Variants in SPATA31H1 observed in about 807,000 individuals in gnomAD.
SPATA31H1 encodes the protein spermatogenesis-associated protein 31H1.
At chr2:27,578,101 T>G in the SPATA31H1 span, 1 of 1,614,158 alleles carries the variant, frequency 6.2e-7, no homozygotes, top group Non-Finnish European at 8.5e-7. Flanking sequence ...CCAAAAGTTG[T>G]TCAATCTGTG....
At chr2:27,567,726 G>C in the SPATA31H1 span, 1 of 399,444 alleles carries the variant, frequency 2.5e-6, no homozygotes, top group Non-Finnish European at 4.4e-6. Context: ...GCTTAGTATA[G>C]AGGAGAGGGT....
chr2:27,578,694 G>T, the SPATA31H1 span: 1 of 1,614,114 alleles, frequency 6.2e-7, no homozygotes, highest in Non-Finnish European at 8.5e-7. Context: ...TCTAGGACAC[G>T]TGTGTCAGAA....
At chr2:27,562,352 CAAAAAATAAA>C in the SPATA31H1 span, among the ~76,000 whole-genome samples, 1 of 150,780 alleles carries the variant, frequency 6.6e-6, no homozygotes, top group Non-Finnish European at 1.5e-5. Flanking sequence ...CTCGTCTCTA[CAAAAAATAAA>C]AAAAAATTAG....
At chr2:27,568,881 C>T in the SPATA31H1 span, 1 of 398,894 alleles carries the variant, frequency 2.5e-6, no homozygotes, top group Non-Finnish European at 4.4e-6. Context: ...GAGCCCCAAA[C>T]AAAATCATGA....
the SPATA31H1 span, among the ~76,000 whole-genome samples, chr2:27,551,941 G>A: frequency 1.3e-5 from 2 of 151,746 alleles, no homozygotes; most frequent in Admixed American, 6.6e-5. Context: ...TCAGCCTCCC[G>A]AGTAGCTGGG....
chr2:27,581,598 A>G, the SPATA31H1 span: 1 of 1,490,142 alleles, frequency 6.7e-7, no homozygotes, highest in Admixed American at 2.0e-5. Context: ...TCCCTCCCAG[A>G]GGAGCCATCG....
the SPATA31H1 span, chr2:27,566,738 A>C: frequency 3.0e-6 from 2 of 673,702 alleles, no homozygotes; most frequent in Non-Finnish European, 5.5e-6. Context: ...TTCTTAGATC[A>C]AGGCTTGTGG....
At chr2:27,578,301 T>C in the SPATA31H1 span, 1 of 1,614,128 alleles carries the variant, frequency 6.2e-7, no homozygotes, top group South Asian at 1.1e-5. Context: ...ACACCAGATT[T>C]TGGAAACAGT....
chr2:27,553,933 A>C, the SPATA31H1 span, among the ~76,000 whole-genome samples: 1 of 149,342 alleles, frequency 6.7e-6, no homozygotes, highest in Non-Finnish European at 1.5e-5. Flanking sequence ...AAAAAAAAAG[A>C]AAAGAAATCT....
chr2:27,563,269 C>A, the SPATA31H1 span, among the ~76,000 whole-genome samples: 1 of 147,424 alleles, frequency 6.8e-6, no homozygotes, highest in Non-Finnish European at 1.5e-5. Flanking sequence ...TGGTCTATTT[C>A]TTTTTGGCCA....
the SPATA31H1 span, among the ~76,000 whole-genome samples, chr2:27,543,224 C>T: frequency 1.3e-5 from 2 of 152,024 alleles, no homozygotes; most frequent in African/African-American, 2.4e-5. Flanking sequence ...CCTTTTTTGA[C>T]TCTCAAACTT....
At chr2:27,549,153 G>A in the SPATA31H1 span, among the ~76,000 whole-genome samples, 15 of 150,522 alleles carry the variant, frequency 1.0e-4, 1 homozygote, top group African/African-American at 3.2e-4. Flanking sequence ...TTAAATGTCC[G>A]TATTGTCATT....
At chr2:27,558,911 GGGAGA>G in the SPATA31H1 span, among the ~76,000 whole-genome samples, 5 of 65,384 alleles carry the variant, frequency 7.6e-5, no homozygotes, top group East Asian at 1.0e-3. Context: ...GAGAGGGAGA[GGGAGA>G]GGGAGGGGGA....
the SPATA31H1 span, chr2:27,582,065 C>T: frequency 2.5e-6 from 4 of 1,613,712 alleles, no homozygotes; most frequent in African/African-American, 5.3e-5. Context: ...GGAGATCTCA[C>T]AGGTCCTTTG....
At chr2:27,574,597 C>A in the SPATA31H1 span, 1 of 398,458 alleles carries the variant, frequency 2.5e-6, no homozygotes, top group South Asian at 1.3e-4. Flanking sequence ...AGTATGAAAT[C>A]AATGGATTTC....
chr2:27,579,884 CG>C, the SPATA31H1 span: 2 of 1,614,208 alleles, frequency 1.2e-6, no homozygotes, highest in Non-Finnish European at 1.7e-6. Context: ...AAATACCCCC[CG>C]ATGTGCCTCC....
At chr2:27,545,261 G>A in the SPATA31H1 span, among the ~76,000 whole-genome samples, 1 of 151,938 alleles carries the variant, frequency 6.6e-6, no homozygotes, top group African/African-American at 2.4e-5. Context: ...GACCTCAGGT[G>A]ATCTGCCCGC....
At chr2:27,577,680 G>A in the SPATA31H1 span, 7 of 1,614,102 alleles carry the variant, frequency 4.3e-6, no homozygotes, top group African/African-American at 1.3e-5. The surrounding 1 kb of genome is among the most constrained non-coding windows in gnomAD (Gnocchi z 4.5). Context: ...TAAGTCAGGA[G>A]TGCAGGTAGA....
the SPATA31H1 span, among the ~76,000 whole-genome samples, chr2:27,552,199 TGA>T: frequency 6.6e-6 from 1 of 152,056 alleles, no homozygotes; most frequent in Non-Finnish European, 1.5e-5. Flanking sequence ...TGTTTTCTTC[TGA>T]GAGTTTTATA....
Sources: gnomAD v4.1 joint callset for allele counts (sites outside exome capture counted in the v4.1 genomes callset) on GRCh38, gnomAD v4.1.1 for gene constraint, Gnocchi (gnomAD v3.1) non-coding constraint, MANE v1.5 for transcripts, NCBI Gene and HGNC (gene_info 2026-07-23, HGNC 2026-07-21) for gene names.